Variants in TBC1D5 observed in about 807,000 individuals in gnomAD.
TBC1D5 encodes TBC1 domain family member 5.
In TBC1D5, 75 loss-of-function variants were observed where a neutral mutation model predicts 100.3. That is an observed-to-expected ratio of 0.75 (90% CI 0.62 to 0.91). The LOEUF (loss-of-function observed/expected upper bound fraction) is 0.91, where lower values mean the gene tolerates loss of function less well. TBC1D5 is among the 40% of genes least tolerant of loss of function. The pLI is 0.00. For synonymous variants in TBC1D5, 323 were observed against 325.6 expected (o/e 0.99, Z 0.09); for missense variants, 910 against 942.4 (o/e 0.97, Z 0.45).
chr3:17,332,317 T>C (rs1477409134), intron 13 of TBC1D5, among the ~76,000 whole-genome samples: 1 of 152,156 alleles, frequency 6.6e-6, no homozygotes, highest in African/African-American at 2.4e-5. Flanking sequence ...TGGATGCTGG[T>C]GTCATTTTAT....
chr3:17,704,523 C>T (rs1295705464), intron 1 of TBC1D5, among the ~76,000 whole-genome samples: 1 of 96,230 alleles, frequency 1.0e-5, no homozygotes, highest in African/African-American at 3.8e-5. Flanking sequence ...CCTCACCTCC[C>T]GGACGGGGCG....
chr3:17,183,574 G>C (rs1292445174), intron 19 of TBC1D5, among the ~76,000 whole-genome samples: 1 of 152,140 alleles, frequency 6.6e-6, no homozygotes, highest in Non-Finnish European at 1.5e-5. Flanking sequence ...TCATCTACCA[G>C]GGTTTCTCCT....
chr3:17,345,118 C>T (rs532067650), intron 13 of TBC1D5, among the ~76,000 whole-genome samples: 1 of 152,118 alleles, frequency 6.6e-6, no homozygotes, highest in Admixed American at 6.5e-5. Flanking sequence ...AAACTACCAT[C>T]AGAGTGAACA....
intron 4 of TBC1D5, among the ~76,000 whole-genome samples, chr3:17,426,049 C>A (rs17273048): frequency 0.017 from 2,509 of 151,960 alleles, 52 homozygotes; most frequent in South Asian, 0.047. Flanking sequence ...TTCAGGCCTG[C>A]GTTGTCGAAT....
Position 17,726,985 on chromosome 3 carries a change from AATAG to A in TBC1D5, c.-101+12354_-101+12357del, listed in dbSNP as rs1319553353. 5.9e-5 allele frequency among the ~76,000 whole-genome samples: 9 copies of A among 152,332 alleles called. No individual in the cohort carries two copies. The East Asian group carries it at 9.6e-4, about 16-fold the overall frequency. ...AGATCAATCCTATTATACGGCTACT[AATAG>A]ATAGTAAGATTCTGAAATTAAGTCT... On this transcript the variant is annotated intron_variant, in intron 1 of 21. Coordinates refer to ENST00000253692, the Ensembl canonical transcript of TBC1D5.
chr3:17,295,119 G>C (rs2082121853), intron 14 of TBC1D5, among the ~76,000 whole-genome samples: 1 of 152,136 alleles, frequency 6.6e-6, no homozygotes, highest in Admixed American at 6.5e-5. Context: ...GTATGTTTAT[G>C]CTTTAAAAAC....
At chr3:17,296,578 C>T (rs768280528) in intron 14 of TBC1D5, among the ~76,000 whole-genome samples, 1 of 152,220 alleles carries the variant, frequency 6.6e-6, no homozygotes, top group Non-Finnish European at 1.5e-5. Flanking sequence ...CAAAATTTTA[C>T]TCTCTTCAGT....
At chr3:17,251,434 C>CCT (rs1553635339) in intron 16 of TBC1D5, among the ~76,000 whole-genome samples, 2 of 145,326 alleles carry the variant, frequency 1.4e-5, no homozygotes, top group South Asian at 5.0e-4. Context: ...AACCCCCCCC[C>CCT]CCCCAGTAGA....
At chr3:17,366,967 G>A (rs927399532) in intron 13 of TBC1D5, among the ~76,000 whole-genome samples, 1 of 151,984 alleles carries the variant, frequency 6.6e-6, no homozygotes, top group Non-Finnish European at 1.5e-5. Flanking sequence ...AAGCATTTGG[G>A]GGATATGGAA....
At chr3:17,617,370 C>T (rs557277580) in intron 2 of TBC1D5, among the ~76,000 whole-genome samples, 1 of 152,246 alleles carries the variant, frequency 6.6e-6, no homozygotes, top group East Asian at 1.9e-4. Flanking sequence ...CTTGGGGTTG[C>T]TCTTCTCAAG....
chr3:17,706,155 G>C lies in TBC1D5; in HGVS notation c.-101+33188C>G, dbSNP rs535451758. ...CTTGAGGCAAAGGCTGCAGTTGATG[G>C]GGGAGACATCGGCAGGCAGCCGCTC... On this transcript the variant is annotated intron_variant, in intron 1 of 21. Coordinates refer to ENST00000253692, the Ensembl canonical transcript of TBC1D5. The C allele has an allele frequency of 6.4e-5, 101 of 1,586,382 alleles. 1 individual carries two copies. The South Asian group carries it at 1.1e-3, about 17-fold the overall frequency.
chr3:17,728,072 A>T (rs538431843), intron 1 of TBC1D5, among the ~76,000 whole-genome samples: 110 of 152,320 alleles, frequency 7.2e-4, no homozygotes, highest in Admixed American at 2.2e-3. Context: ...AAGGCATTTG[A>T]TAACAGTCAA....
chr3:17,460,105 C>T (rs2095174273), intron 3 of TBC1D5, among the ~76,000 whole-genome samples: 1 of 152,120 alleles, frequency 6.6e-6, no homozygotes, highest in African/African-American at 2.4e-5. Context: ...TACTTCAAGC[C>T]AATTCTGTTC....
chr3:17,424,964 T>G (rs762761275), intron 4 of TBC1D5, among the ~76,000 whole-genome samples: 2 of 152,208 alleles, frequency 1.3e-5, no homozygotes, highest in African/African-American at 2.4e-5. Context: ...CTGAAATATA[T>G]GTCAGATATT....
intron 4 of TBC1D5, among the ~76,000 whole-genome samples, chr3:17,424,758 A>G (rs770732538): frequency 1.3e-5 from 2 of 152,192 alleles, no homozygotes; most frequent in Admixed American, 6.5e-5. Flanking sequence ...AAGAAGATAT[A>G]AATCCAAAGT....
chr3:17,297,642 G>A (rs1279172839), intron 14 of TBC1D5, among the ~76,000 whole-genome samples: 3 of 151,874 alleles, frequency 2.0e-5, no homozygotes, highest in Non-Finnish European at 2.9e-5. Flanking sequence ...TAGTCCAGTA[G>A]CATGATCACA....
intron 10 of TBC1D5, 48 bp from the exon 11 acceptor site, chr3:17,374,727 T>G: frequency 1.9e-6 from 3 of 1,583,604 alleles, no homozygotes; most frequent in Non-Finnish European, 2.6e-6. Context: ...TTTGAATAAT[T>G]AAAGAGGCAG....
At chr3:17,551,695 T>C (rs2096475125) in intron 2 of TBC1D5, among the ~76,000 whole-genome samples, 1 of 152,162 alleles carries the variant, frequency 6.6e-6, no homozygotes, top group Admixed American at 6.5e-5. Flanking sequence ...TCAATACATT[T>C]GAAAACTTTA....
intron 1 of TBC1D5, among the ~76,000 whole-genome samples, chr3:17,670,226 A>G (rs1295993869): frequency 6.6e-6 from 1 of 152,226 alleles, no homozygotes; most frequent in Non-Finnish European, 1.5e-5. Context: ...TGAAAAACTC[A>G]GTGAATACCA....
Sources: allele counts gnomAD v4.1 joint callset (sites outside exome capture counted in the v4.1 genomes callset), GRCh38; gene constraint gnomAD v4.1.1; transcripts MANE v1.5; gene names NCBI Gene and HGNC (gene_info 2026-07-23, HGNC 2026-07-21).